Variants in RBFOX1 observed in about 807,000 individuals in gnomAD.
RBFOX1 encodes the protein RNA binding fox-1 homolog 1, also known as RNA binding protein fox-1 homolog 1.
A neutral mutation model predicts 57.7 loss-of-function variants in RBFOX1; 8 were observed. The ratio of observed to expected loss-of-function variants is 0.14; its 90% CI spans 0.08 to 0.25. The LOEUF (loss-of-function observed/expected upper bound fraction) is 0.25, where lower values mean the gene tolerates loss of function less well. Ranked by LOEUF, RBFOX1 falls within the 10% of genes least tolerant of loss-of-function variation. RBFOX1 has a pLI of 1.00. For synonymous variants in RBFOX1, 326 were observed against 222.4 expected, an observed-to-expected ratio of 1.47 and a Z score of -4.15; for missense variants, 611 against 548.5, an observed-to-expected ratio of 1.11 and a Z score of -1.14.
chr16:5,625,867 C>T (rs1281968434), intron 3 of RBFOX1, among the ~76,000 whole-genome samples: 1 of 149,828 alleles, frequency 6.7e-6, no homozygotes, highest in East Asian at 2.0e-4. Context: ...CCTGGATTTA[C>T]TCTTTAATAT....
Position 7,041,740 on chromosome 16 carries a change from C to T in RBFOX1, c.-15-10317C>T, listed in dbSNP as rs139590906. Among the ~76,000 whole-genome samples, 1,163 of 152,278 alleles carry T rather than the reference C, an allele frequency of 7.6e-3. 8 individuals are homozygous for T. Among genetic ancestry groups the T allele is most frequent in the Non-Finnish European group, 0.01 (692 of 68,018 alleles). On this transcript the variant is annotated intron_variant, in intron 3 of 15. Transcript: ENST00000550418. ...TCACAAGGCCTCTTGGGGAACAAAG[C>T]CAGGATTTGGACCCAAGTCATTTGA...
At chr16:6,728,808 C>A (rs2067845540) in intron 3 of RBFOX1, among the ~76,000 whole-genome samples, 1 of 152,170 alleles carries the variant, frequency 6.6e-6, no homozygotes, top group African/African-American at 2.4e-5. Flanking sequence ...TGAAATTTAT[C>A]TGCATAATTG....
At chr16:6,633,844 T>TA (rs1384874799) in intron 2 of RBFOX1, among the ~76,000 whole-genome samples, 2 of 151,876 alleles carry the variant, frequency 1.3e-5, no homozygotes, top group Admixed American at 6.6e-5. Flanking sequence ...TGTATCTCTA[T>TA]AAAAAAATAA....
intron 1 of RBFOX1, among the ~76,000 whole-genome samples, chr16:6,246,460 T>C (rs767702558): frequency 1.5e-4 from 23 of 152,138 alleles, no homozygotes; most frequent in Admixed American, 6.5e-4. Context: ...AGCATAAAAA[T>C]TCCTGGGAAG....
chr16:7,619,434 T>C (rs1350795128), intron 10 of RBFOX1, among the ~76,000 whole-genome samples: 1 of 152,164 alleles, frequency 6.6e-6, no homozygotes, highest in African/African-American at 2.4e-5. Flanking sequence ...CAATCACTCT[T>C]TGAGAGATTG....
intron 3 of RBFOX1, among the ~76,000 whole-genome samples, chr16:5,631,277 G>T (rs184267145): frequency 6.6e-6 from 1 of 152,122 alleles, no homozygotes; most frequent in Admixed American, 6.5e-5. Flanking sequence ...GTCTCTCTTC[G>T]GGCAGGCGTG....
chr16:6,520,581 A>G (rs2096479409), intron 2 of RBFOX1, among the ~76,000 whole-genome samples: 1 of 152,214 alleles, frequency 6.6e-6, no homozygotes, highest in South Asian at 2.1e-4. Flanking sequence ...TTGTGAAAAA[A>G]AATAATTCAT....
chr16:6,374,039 G>T (rs796930585), intron 2 of RBFOX1, among the ~76,000 whole-genome samples: 3 of 152,268 alleles, frequency 2.0e-5, no homozygotes, highest in African/African-American at 7.2e-5. Context: ...TATTCAGTTT[G>T]ACAGTAAGTC....
intron 2 of RBFOX1, among the ~76,000 whole-genome samples, chr16:5,593,013 G>A (rs955149533): frequency 6.6e-6 from 1 of 152,134 alleles, no homozygotes; most frequent in East Asian, 1.9e-4. Context: ...AAGTCACAGT[G>A]TGAGATAGGA....
At chr16:5,745,838 C>G (rs1316637276) in intron 3 of RBFOX1, among the ~76,000 whole-genome samples, 1 of 151,908 alleles carries the variant, frequency 6.6e-6, no homozygotes, top group Non-Finnish European at 1.5e-5. Flanking sequence ...CTGGATATTA[C>G]CCCTTTGGCA....
intron 2 of RBFOX1, among the ~76,000 whole-genome samples, chr16:5,529,196 A>G (rs893946904): frequency 2.6e-5 from 4 of 151,974 alleles, no homozygotes; most frequent in African/African-American, 9.7e-5. Flanking sequence ...ATAAAATGGG[A>G]ATGATCATTA....
intron 3 of RBFOX1, among the ~76,000 whole-genome samples, chr16:5,818,566 A>C (rs772152716): frequency 1.1e-4 from 16 of 152,220 alleles, no homozygotes; most frequent in Non-Finnish European, 2.2e-4. Context: ...GAGATGGTCT[A>C]AGTCCATTAA....
chr16:6,142,828 T>A (rs2152704969), intron 1 of RBFOX1, among the ~76,000 whole-genome samples: 1 of 152,324 alleles, frequency 6.6e-6, no homozygotes, highest in East Asian at 1.9e-4. Flanking sequence ...CCTTTTTGTT[T>A]GTAGATCGTC....
At chr16:7,575,411 G>C (rs149296250) in intron 5 of RBFOX1, among the ~76,000 whole-genome samples, 222 of 152,232 alleles carry the variant, frequency 1.5e-3, no homozygotes, top group African/African-American at 5.2e-3. Context: ...GGGATTATAG[G>C]TGTAAGCCAC....
At position 5,579,190 on chromosome 16, in the gene RBFOX1, C is replaced by T. The variant is rs929664280; in HGVS notation, c.259-19712C>T. ...AATTGGTCAAGACTGGACCTGCTATCGCCCCACCCAACTTGCACTTCCACT... is the reference window on the plus strand; with the variant it reads ...AATTGGTCAAGACTGGACCTGCTATTGCCCCACCCAACTTGCACTTCCACT... On this transcript the variant is annotated intron_variant, in intron 2 of 2. Coordinates refer to the RBFOX1 transcript ENST00000585867. 3.3e-5 allele frequency among the ~76,000 whole-genome samples: 5 copies of T among 152,186 alleles called. No homozygotes were observed. In the East Asian group the frequency reaches 7.8e-4, roughly 24 times the overall value.
chr16:6,539,032 T>C (rs1226896663), intron 2 of RBFOX1, among the ~76,000 whole-genome samples: 1 of 152,108 alleles, frequency 6.6e-6, no homozygotes, highest in Non-Finnish European at 1.5e-5. Context: ...TGGAGTGTCC[T>C]ATATGATTTG....
chr16:6,894,420 C>G (rs545811302), intron 3 of RBFOX1, among the ~76,000 whole-genome samples: 2 of 152,296 alleles, frequency 1.3e-5, no homozygotes, highest in East Asian at 1.9e-4. Flanking sequence ...GGCAGCACTT[C>G]TCTAATTCTG....
chr16:6,801,727 GA>G, intron 3 of RBFOX1, among the ~76,000 whole-genome samples: 1 of 152,230 alleles, frequency 6.6e-6, no homozygotes, highest in Non-Finnish European at 1.5e-5. Flanking sequence ...GGGAGGAAGA[GA>G]GTTTTTATTT....
intron 3 of RBFOX1, among the ~76,000 whole-genome samples, chr16:6,820,533 C>T (rs567708730): frequency 2.0e-5 from 3 of 151,794 alleles, no homozygotes; most frequent in Admixed American, 2.0e-4. Context: ...GTGGCGTGCA[C>T]CTATAGTCTC....
Sources: allele counts gnomAD v4.1 joint callset (sites outside exome capture counted in the v4.1 genomes callset), GRCh38; gene constraint gnomAD v4.1.1; transcripts MANE v1.5; gene names NCBI Gene and HGNC (gene_info 2026-07-23, HGNC 2026-07-21).